The following DHRSX variants were observed in gnomAD, a reference collection of about 807,000 sequenced individuals.
The protein encoded by DHRSX is polyprenol dehydrogenase.
In DHRSX, 31 loss-of-function variants were observed where a neutral mutation model predicts 34.0. The observed-to-expected ratio is 0.91, with a 90% confidence interval of 0.69 to 1.23. The LOEUF is 1.23. Ranked by LOEUF, DHRSX falls within the 50% of genes most tolerant of loss-of-function variation. The probability of loss-of-function intolerance (pLI) is 0.00; values close to 1 mark genes in which losing one functional copy is unlikely to be tolerated. For missense variants in DHRSX, 414 were observed against 428.1 expected (o/e 0.97, Z 0.29); for synonymous variants, 201 against 183.8 (o/e 1.09, Z -0.76).
chrX:2,451,182 G>A (rs2044211845), intron 1 of DHRSX, among the ~76,000 whole-genome samples: 1 of 151,022 alleles, frequency 6.6e-6, no homozygotes, highest in African/African-American at 2.4e-5. Context: ...GCAGTGAGCT[G>A]AGATCACAGC....
chrX:2,407,446 C>T (rs1339129238), intron 3 of DHRSX, among the ~76,000 whole-genome samples: 2 of 152,192 alleles, frequency 1.3e-5, no homozygotes, highest in Non-Finnish European at 2.9e-5. Flanking sequence ...TCGTCCCCCG[C>T]AACCCGGAGA....
intron 3 of DHRSX, among the ~76,000 whole-genome samples, chrX:2,308,680 T>C (rs1163073339): frequency 6.6e-6 from 1 of 150,934 alleles, no homozygotes. Context: ...AATAACACAA[T>C]ATCCAAGTAT....
intron 1 of DHRSX, among the ~76,000 whole-genome samples, chrX:2,497,122 G>C (rs1262326291): frequency 1.3e-5 from 2 of 152,162 alleles, no homozygotes; most frequent in African/African-American, 4.8e-5. Flanking sequence ...GAGGCCGGGG[G>C]CAGGGGCTCA....
intron 2 of DHRSX, 41 bp downstream of exon 2, chrX:2,425,155 AC>A: frequency 6.6e-7 from 1 of 1,510,868 alleles, no homozygotes; most frequent in Non-Finnish European, 9.1e-7. Flanking sequence ...AAAAAAAAAA[AC>A]CGAAAAAACA....
At chrX:2,299,165 C>T (rs1307129897) in intron 3 of DHRSX, among the ~76,000 whole-genome samples, 1 of 152,098 alleles carries the variant, frequency 6.6e-6, no homozygotes, top group Non-Finnish European at 1.5e-5. Context: ...TCGGTCAAGT[C>T]ACATGCTTGA....
chrX:2,354,213 A>G (rs965369309), intron 3 of DHRSX, among the ~76,000 whole-genome samples: 6 of 152,156 alleles, frequency 3.9e-5, no homozygotes, highest in African/African-American at 7.2e-5. Context: ...GTAGCACAAC[A>G]ATAATGAACT....
chrX:2,353,769 G>C (rs1296814886), intron 3 of DHRSX, among the ~76,000 whole-genome samples: 1 of 151,578 alleles, frequency 6.6e-6, no homozygotes, highest in Non-Finnish European at 1.5e-5. Flanking sequence ...TTTTTTAGTA[G>C]AGATGGGGTC....
At chrX:2,471,325 G>C (rs958742784) in intron 1 of DHRSX, among the ~76,000 whole-genome samples, 1 of 152,190 alleles carries the variant, frequency 6.6e-6, no homozygotes, top group African/African-American at 2.4e-5. Flanking sequence ...CCAGCGCTTT[G>C]GGAGGCCGAG....
At chrX:2,409,983 C>T (rs2043605480) in intron 2 of DHRSX, among the ~76,000 whole-genome samples, 1 of 152,148 alleles carries the variant, frequency 6.6e-6, no homozygotes, top group Non-Finnish European at 1.5e-5. Context: ...CCTCCCGCCT[C>T]GGCCTCCACA....
intron 1 of DHRSX, among the ~76,000 whole-genome samples, chrX:2,451,492 A>C (rs1337298522): frequency 6.6e-6 from 1 of 152,204 alleles, no homozygotes; most frequent in Admixed American, 6.5e-5. Context: ...TCCAGAAAGC[A>C]AATGAAGCCT....
chrX:2,488,730 C>G (rs753735373), intron 1 of DHRSX: 1 of 1,613,962 alleles, frequency 6.2e-7, no homozygotes, highest in East Asian at 2.2e-5. Context: ...CACTCCCCCT[C>G]GTCCTGGTCC....
intron 6 of DHRSX, among the ~76,000 whole-genome samples, chrX:2,226,146 G>C (rs2015655443): frequency 1.3e-5 from 2 of 152,134 alleles, no homozygotes; most frequent in African/African-American, 2.4e-5. Flanking sequence ...GGCAGATGGA[G>C]ACCAAGCCCA....
intron 6 of DHRSX, among the ~76,000 whole-genome samples, chrX:2,232,094 C>T (rs2015908166): frequency 6.6e-6 from 1 of 150,490 alleles, no homozygotes; most frequent in African/African-American, 2.4e-5. Context: ...TTTTCCTCAT[C>T]TTCCTTTTTC....
intron 3 of DHRSX, among the ~76,000 whole-genome samples, chrX:2,314,907 C>G (rs1240471703): frequency 1.3e-5 from 2 of 152,116 alleles, no homozygotes; most frequent in African/African-American, 4.8e-5. Context: ...CCTGCAATCT[C>G]AGCACCTTGG....
chrX:2,416,188 T>C (rs2043691007), intron 2 of DHRSX, among the ~76,000 whole-genome samples: 1 of 151,536 alleles, frequency 6.6e-6, no homozygotes, highest in African/African-American at 2.4e-5. Flanking sequence ...CTAGTCCTCA[T>C]TATAGCCTAA....
intron 1 of DHRSX, among the ~76,000 whole-genome samples, chrX:2,450,179 T>C (rs2044197272): frequency 6.6e-6 from 1 of 151,788 alleles, no homozygotes; most frequent in Admixed American, 6.6e-5. Flanking sequence ...TAAAACACAG[T>C]AGAGCAGTTT....
intron 1 of DHRSX, among the ~76,000 whole-genome samples, chrX:2,460,576 G>A (rs891482200): frequency 3.2e-5 from 3 of 92,828 alleles, no homozygotes; most frequent in African/African-American, 4.5e-5. Context: ...GTGCCACCAC[G>A]TCTGGCTTTT....
At chrX:2,331,949 C>T (rs1296125382) in intron 3 of DHRSX, among the ~76,000 whole-genome samples, 1 of 152,090 alleles carries the variant, frequency 6.6e-6, no homozygotes, top group Non-Finnish European at 1.5e-5. Context: ...AACATTGAGG[C>T]AAGACTCTCC....
chrX:2,390,945 G>A (rs1654413263), intron 3 of DHRSX, among the ~76,000 whole-genome samples: 1 of 152,008 alleles, frequency 6.6e-6, no homozygotes, highest in African/African-American at 2.4e-5. Flanking sequence ...TAGCATTAAT[G>A]TCCTCAAGGT....
Sources: gnomAD v4.1 joint callset for allele counts (sites outside exome capture counted in the v4.1 genomes callset) on GRCh38, gnomAD v4.1.1 for gene constraint, MANE v1.5 for transcripts, NCBI Gene and HGNC (gene_info 2026-07-23, HGNC 2026-07-21) for gene names.